The following RAPGEF2 variants were observed in gnomAD, a reference collection of about 807,000 sequenced individuals.
RAPGEF2 encodes Rap guanine nucleotide exchange factor 2.
In RAPGEF2, 54 loss-of-function variants were observed where a neutral mutation model predicts 186.7. The observed-to-expected ratio is 0.29, with a 90% CI of 0.23 to 0.36. The LOEUF is 0.36. Among genes scored for constraint, RAPGEF2 ranks in the 10% least tolerant of loss-of-function variants. RAPGEF2 has a pLI of 1.00. For missense variants in RAPGEF2, 1,532 were observed against 2,045.0 expected (o/e 0.75, Z 4.84); for synonymous variants, 712 against 705.9 (o/e 1.01, Z -0.14).
chr4:159,105,980 G>A (rs976682384), intron 1 of RAPGEF2, among the ~76,000 whole-genome samples: 9 of 152,134 alleles, frequency 5.9e-5, no homozygotes, highest in African/African-American at 2.2e-4. Context: ...GTTGGGGGGC[G>A]GGTCACCAAA....
intron 1 of RAPGEF2, chr4:159,128,688 C>G (rs1480544997): frequency 6.6e-6 from 1 of 151,784 alleles, no homozygotes; most frequent in Non-Finnish European, 1.5e-5. Flanking sequence ...AGAGCTTTCT[C>G]TTTGCCAAAA....
chr4:159,236,305 T>C (rs997272014), intron 4 of RAPGEF2, among the ~76,000 whole-genome samples: 1 of 152,228 alleles, frequency 6.6e-6, no homozygotes, highest in African/African-American at 2.4e-5. Flanking sequence ...TGTAAACTTT[T>C]CATCCCCAAA....
At position 159,358,313 on chromosome 4, in the gene RAPGEF2, T is replaced by C. The variant is rs1732341316; in HGVS notation, c.*174T>C. ...TCCCCTTCTTCCTTTCCCCTTTGCA[T>C]GTGAAATACTGTGAAGAAATTGCCC... On this transcript the variant is annotated 3_prime_UTR_variant, in exon 30 of 30. Coordinates refer to ENST00000691494, the MANE Select transcript of RAPGEF2 (RefSeq NM_001394067.2). 5.1e-6 allele frequency: 3 copies of C among 592,824 alleles called. No individual in the cohort carries two copies. The highest frequency in any genetic ancestry group is 8.9e-6 in the Non-Finnish European group (3 of 338,674). The allele number at this position is 592,824 out of a possible 1,614,324, so 36.7% of individuals were successfully genotyped here.
intron 3 of RAPGEF2, among the ~76,000 whole-genome samples, chr4:159,206,258 A>G (rs867661048): frequency 2.0e-5 from 3 of 152,218 alleles, no homozygotes; most frequent in African/African-American, 7.2e-5. Context: ...CAAAGCCTAT[A>G]TTATAACAAA....
At chr4:159,153,857 C>T (rs868868171) in intron 1 of RAPGEF2, among the ~76,000 whole-genome samples, 1 of 152,192 alleles carries the variant, frequency 6.6e-6, no homozygotes, top group Non-Finnish European at 1.5e-5. Flanking sequence ...ACAGAATTAG[C>T]TAACCTTGCA....
At chr4:159,298,171 CCTTAT>C (rs1252184132) in intron 7 of RAPGEF2, among the ~76,000 whole-genome samples, 2 of 152,072 alleles carry the variant, frequency 1.3e-5, no homozygotes, top group African/African-American at 2.4e-5. Context: ...AAACATTAGG[CCTTAT>C]CTTATCAGTT....
At chr4:159,304,203 T>C (rs1366543206) in intron 7 of RAPGEF2, 139 bp from the exon 8 acceptor site, 1 of 754,300 alleles carries the variant, frequency 1.3e-6, no homozygotes, top group East Asian at 3.1e-5. Context: ...AGACAATATT[T>C]AGTAATTTGT....
intron 7 of RAPGEF2, chr4:159,267,910 A>G: frequency 1.6e-6 from 2 of 1,242,604 alleles, no homozygotes; most frequent in Non-Finnish European, 2.0e-6. Flanking sequence ...GTCATAGCCT[A>G]GGATGGTTAG....
At chr4:159,301,852 C>G (rs750149729) in intron 7 of RAPGEF2, among the ~76,000 whole-genome samples, 3 of 152,000 alleles carry the variant, frequency 2.0e-5, no homozygotes, top group Non-Finnish European at 4.4e-5. Context: ...AAGGAAGACC[C>G]TGTCTTTAAA....
At chr4:159,267,570 G>A (rs1394630357) in intron 7 of RAPGEF2, among the ~76,000 whole-genome samples, 1 of 152,118 alleles carries the variant, frequency 6.6e-6, no homozygotes, top group African/African-American at 2.4e-5. Flanking sequence ...CTAGGGAGGA[G>A]TTCCCGATTC....
chr4:159,356,179 C>T lies in RAPGEF2; in HGVS notation c.4957+21C>T, dbSNP rs769285859. 4 of 1,599,362 alleles carry T rather than the reference C, an allele frequency of 2.5e-6. No individual in the cohort carries two copies. The Admixed American group carries it at 6.7e-5, about 27-fold the overall frequency. ...GGATGGTATATGCACATAAATATTCCTAAAACCTCCAAGTTAGATGTGTTC... is the reference window on the plus strand; with the variant it reads ...GGATGGTATATGCACATAAATATTCTTAAAACCTCCAAGTTAGATGTGTTC... On this transcript the variant is annotated intron_variant, in intron 29 of 29. Coordinates refer to ENST00000691494, the MANE Select transcript of RAPGEF2 (RefSeq NM_001394067.2).
At chr4:159,124,892 G>C (rs1057046379) in intron 1 of RAPGEF2, among the ~76,000 whole-genome samples, 2 of 152,080 alleles carry the variant, frequency 1.3e-5, no homozygotes, top group Non-Finnish European at 2.9e-5. Context: ...ATTTATTATT[G>C]TTCATCTGTT....
chr4:159,192,976 A>G (rs927183281), intron 2 of RAPGEF2, among the ~76,000 whole-genome samples: 1 of 152,214 alleles, frequency 6.6e-6, no homozygotes, highest in Non-Finnish European at 1.5e-5. Flanking sequence ...TGAAGTTGAC[A>G]TCTTACTAGA....
rs1257252103 is a variant in RAPGEF2, at chr4:159,337,852, T to C, written c.2136-459T>C. ...TTGCAGTGAGCCGAGATCACACCAC[T>C]GCACTCCAGCCTGGGTGACAGAGTG... On this transcript the variant is annotated intron_variant, in intron 17 of 29. Coordinates refer to ENST00000691494, the MANE Select transcript of RAPGEF2 (RefSeq NM_001394067.2). Among the ~76,000 whole-genome samples, 10 of 124,284 alleles carry C rather than the reference T, an allele frequency of 8.0e-5. 1 individual carries two copies. The highest frequency in any genetic ancestry group is 7.4e-4 in the Admixed American group (7 of 9,440). The allele number at this position is 124,284 out of a possible 152,430, so 81.5% of individuals were successfully genotyped here.
At chr4:159,269,259 T>C (rs1757807777) in intron 7 of RAPGEF2, among the ~76,000 whole-genome samples, 1 of 152,186 alleles carries the variant, frequency 6.6e-6, no homozygotes, top group Non-Finnish European at 1.5e-5. Flanking sequence ...AGAGATGTTC[T>C]TAGACTAAGT....
chr4:159,208,005 A>G (rs552499922), intron 3 of RAPGEF2, among the ~76,000 whole-genome samples: 54 of 152,332 alleles, frequency 3.5e-4, no homozygotes, highest in African/African-American at 1.3e-3. Context: ...AGTACTTTGC[A>G]TTTTCACTTT....
intron 7 of RAPGEF2, among the ~76,000 whole-genome samples, chr4:159,284,860 T>A (rs893673532): frequency 3.4e-4 from 51 of 152,148 alleles, no homozygotes; most frequent in African/African-American, 1.2e-3. Flanking sequence ...GAGACCAGCC[T>A]GGGCAACATA....
At chr4:159,288,210 A>G (rs1355843050) in intron 7 of RAPGEF2, among the ~76,000 whole-genome samples, 2 of 152,200 alleles carry the variant, frequency 1.3e-5, no homozygotes, top group Middle Eastern at 3.2e-3. Flanking sequence ...GTAAGTATCC[A>G]TATTTCATAA....
At chr4:159,126,208 G>A (rs1039649670) in intron 1 of RAPGEF2, among the ~76,000 whole-genome samples, 2 of 152,212 alleles carry the variant, frequency 1.3e-5, no homozygotes, top group South Asian at 2.1e-4. Context: ...TTACTGTGTA[G>A]CATTTTATAC....
Sources: allele counts gnomAD v4.1 joint callset (sites outside exome capture counted in the v4.1 genomes callset), GRCh38; gene constraint gnomAD v4.1.1; transcripts MANE v1.5; gene names NCBI Gene and HGNC (gene_info 2026-07-23, HGNC 2026-07-21).